Variants in CEP68 observed in about 807,000 individuals in gnomAD.
CEP68 encodes centrosomal protein 68, also known as centrosomal protein of 68 kDa.
In CEP68, 26 loss-of-function variants were observed where a neutral mutation model predicts 55.3. The ratio of observed to expected loss-of-function variants is 0.47; its 90% CI spans 0.34 to 0.65. CEP68 has a LOEUF of 0.65. CEP68 is among the 30% of genes least tolerant of loss of function. CEP68 has a pLI of 0.01. For missense variants in CEP68, 957 were observed against 946.7 expected (o/e 1.01, Z -0.14); for synonymous variants, 402 against 383.2 (o/e 1.05, Z -0.57).
Position 65,072,358 on chromosome 2 carries a change from C to T in CEP68, c.1262C>T (p.Ala421Val), listed in dbSNP as rs752463713. The T allele has an allele frequency of 7.4e-6, 12 of 1,613,672 alleles. No individual in the cohort carries two copies. Among genetic ancestry groups the T allele is most frequent in the African/African-American group, 6.7e-5 (5 of 74,898 alleles). Residue 421 changes from alanine to valine, a missense_variant, in exon 3 of 7, where the codon GCG becomes GTG. By Grantham distance (64) the Ala-to-Val change is moderately conservative. Transcript: ENST00000377990. ...CGCAGAGAGCCAGCCCTGAGGGGTGCGAAGGACCGGCTGACTATAGGCAAG... is the reference window on the plus strand; with the variant it reads ...CGCAGAGAGCCAGCCCTGAGGGGTGTGAAGGACCGGCTGACTATAGGCAAG... ...WERREPALRG[A>V]KDRLTIGKHL... is the part of the protein sequence containing the mutation.
In CEP68 at chr2:65,084,154, G is replaced by A. The variant is rs891514068; in HGVS notation, c.*520G>A. On this transcript the variant is annotated 3_prime_UTR_variant, in exon 7 of 7. Coordinates refer to ENST00000377990, the MANE Select transcript of CEP68 (RefSeq NM_015147.3). Reference sequence around the variant, plus strand: ...AGAAAGAAGAGATTTTTAACCCTTTGTCTGCAAAAGAAAAAGGGTTAAATG... The same window carrying A: ...AGAAAGAAGAGATTTTTAACCCTTTATCTGCAAAAGAAAAAGGGTTAAATG... The A allele has an allele frequency of 6.6e-6, 1 of 152,152 alleles. No homozygotes were observed. The highest frequency in any genetic ancestry group is 1.5e-5 in the Non-Finnish European group (1 of 68,022). 9.4% of individuals were successfully genotyped at this position (152,152 alleles called of 1,614,324 possible).
chr2:65,072,337 G>A lies in CEP68; in HGVS notation c.1241G>A (p.Arg414Lys). The A allele has an allele frequency of 6.2e-7, 1 of 1,613,974 alleles. No homozygotes were observed. The highest frequency in any genetic ancestry group is 8.5e-7 in the Non-Finnish European group (1 of 1,180,026). The change falls in exon 3 of 7, where the codon AGA becomes AAA. Residue 414 changes from arginine (R) to lysine (K), a missense_variant. Coordinates refer to ENST00000377990, the MANE Select transcript of CEP68 (RefSeq NM_015147.3). The part of the protein sequence containing the change: ...PGSRDARWER[R>K]EPALRGAKDR... ...AGTAGGGATGCTCGTTGGGAGCGCA[G>A]AGAGCCAGCCCTGAGGGGTGCGAAG...
intron 5 of CEP68, among the ~76,000 whole-genome samples, chr2:65,078,940 C>G (rs13424377): frequency 5.8e-4 from 88 of 152,282 alleles, no homozygotes; most frequent in African/African-American, 2.0e-3. Context: ...CAAGGATTTA[C>G]AGTTTTCATT....
chr2:65,073,044 A>G (rs758074896), intron 3 of CEP68, 64 bp downstream of exon 3: 3 of 1,547,502 alleles, frequency 1.9e-6, no homozygotes, highest in South Asian at 2.2e-5. Context: ...CCAATCCACT[A>G]ACATCATAAT....
Position 65,072,005 on chromosome 2 carries a change from T to G in CEP68, c.909T>G (p.Leu303=). 1 of 1,613,102 alleles carries G rather than the reference T, an allele frequency of 6.2e-7. No homozygotes were observed. Among genetic ancestry groups the G allele is most frequent in the Non-Finnish European group, 8.5e-7 (1 of 1,179,988 alleles). The part of the protein sequence containing the change: ...WNPNKEYEDL[L]DYTYPLRPGP... ...CAAATAAAGAGTATGAAGATCTGCTTGACTATACTTACCCACTGAGGCCCG... is the reference window on the plus strand; with the variant it reads ...CAAATAAAGAGTATGAAGATCTGCTGGACTATACTTACCCACTGAGGCCCG... Residue 303 remains leucine (L), a synonymous_variant, in exon 3 of 7, where the codon CTT becomes CTG. Transcript: ENST00000377990.
rs1213588036 is a variant in CEP68 at position 65,086,537 on chromosome 2, T to G, written c.*2903T>G. 6.6e-6 allele frequency: 1 copy of G among 152,224 alleles called. No homozygotes were observed. Among genetic ancestry groups the G allele is most frequent in the Non-Finnish European group, 1.5e-5 (1 of 68,032 alleles). 9.4% of individuals were successfully genotyped at this position (152,224 alleles called of 1,614,324 possible). A position where few individuals can be genotyped will look rare whatever the true frequency, so the allele number is the denominator to read the frequency against. ...AAAGAACGCTGGAATTTTCCAAACT[T>G]AAGTCTGTAAATATGCTCATCTTAA... On this transcript the variant is annotated 3_prime_UTR_variant, in exon 7 of 7. Transcript: ENST00000377990.
chr2:65,062,404 G>C (rs934842123), intron 1 of CEP68, among the ~76,000 whole-genome samples: 1 of 151,990 alleles, frequency 6.6e-6, no homozygotes, highest in Admixed American at 6.6e-5. Context: ...ATGGTGGCAC[G>C]CACCTGGAGT....
chr2:65,060,257 T>C (rs1415026792), intron 1 of CEP68, among the ~76,000 whole-genome samples: 1 of 152,196 alleles, frequency 6.6e-6, no homozygotes, highest in Non-Finnish European at 1.5e-5. Flanking sequence ...TTGCCAGTAC[T>C]TATAAAGTGA....
In CEP68 at chr2:65,056,447, C is replaced by T. The variant is rs77469505; in HGVS notation, c.-128C>T. 0.05 allele frequency: 7,681 copies of T among 152,586 alleles called. 276 individuals are homozygous for T. Among genetic ancestry groups the T allele is most frequent in the Non-Finnish European group, 0.074 (5,044 of 68,228 alleles). The allele number at this position is 152,586 out of a possible 1,614,324, so 9.5% of individuals were successfully genotyped here. A position where few individuals can be genotyped will look rare whatever the true frequency, so the allele number is the denominator to read the frequency against. On this transcript the variant is annotated 5_prime_UTR_variant, in exon 1 of 7. Transcript: ENST00000377990. ...GGCTGCGGTTGGAGGGCCGCAGTTG[C>T]AGTCAGGGTCCGCCAGCTCGGGGCC...
chr2:65,076,978 C>G (rs1676792927), intron 4 of CEP68, among the ~76,000 whole-genome samples: 1 of 76,702 alleles, frequency 1.3e-5, no homozygotes, highest in African/African-American at 4.4e-5. Flanking sequence ...TAAGGGTGGT[C>G]ATGGATTTGA....
rs1676359486 is a variant in CEP68 at position 65,069,598 on chromosome 2, A to G, written c.154A>G (p.Ile52Val). 6.2e-7 allele frequency: 1 copy of G among 1,614,002 alleles called. No individual in the cohort carries two copies. Among genetic ancestry groups the G allele is most frequent in the Non-Finnish European group, 8.5e-7 (1 of 1,179,956 alleles). ...PPRLEAEGGL[I>V]SPVWGAEGIP... ...ACGCCTGGAAGCTGAGGGAGGGCTCATCTCCCCTGTATGGGGGGCAGAAGG... is the reference window on the plus strand; with the variant it reads ...ACGCCTGGAAGCTGAGGGAGGGCTCGTCTCCCCTGTATGGGGGGCAGAAGG... Residue 52 changes from isoleucine (I) to valine (V), a missense_variant, in exon 2 of 7, where the codon ATC becomes GTC. Ile to Val is a conservative substitution (Grantham distance 29). Coordinates refer to ENST00000377990, the MANE Select transcript of CEP68 (RefSeq NM_015147.3).
In CEP68 at chr2:65,082,708, T is replaced by TG. The variant is rs752356164; in HGVS notation, c.*4+1dup. 1 of 1,552,042 alleles carries TG rather than the reference T, an allele frequency of 6.4e-7. No homozygotes were observed. The highest frequency in any genetic ancestry group is 8.6e-7 in the Non-Finnish European group (1 of 1,156,094). ...AGCACCCATGTGAAGGGGTTTAACC[T>TG]GGTAAGTGGAGGAACTCAAAAAGAA... On this transcript the variant is annotated splice_region_variant and 3_prime_UTR_variant, in exon 6 of 7. Coordinates refer to ENST00000377990, the MANE Select transcript of CEP68 (RefSeq NM_015147.3).
chr2:65,072,926 G>A lies in CEP68; in HGVS notation c.1830G>A (p.Gln610=). The change falls in exon 3 of 7, where the codon CAG becomes CAA. Residue 610 remains glutamine (Q), a synonymous_variant. Transcript: ENST00000377990. ...WPFSDPDVEG[Q]LPRKGGEQGK... ...TCTCAGACCCAGATGTTGAAGGGCA[G>A]CTTCCCAGGAAAGGAGGAGAACAGG... 6.2e-7 allele frequency: 1 copy of A among 1,614,084 alleles called. No individual in the cohort carries two copies. The highest frequency in any genetic ancestry group is 8.5e-7 in the Non-Finnish European group (1 of 1,180,046).
Position 65,069,689 on chromosome 2 carries a change from A to G in CEP68, c.245A>G (p.Gln82Arg), listed in dbSNP as rs755847557. ...PGGPSRAHQP[Q>R]ASDANREPVA... ...GGCCCCTCTAGAGCCCACCAGCCACAGGCCAGTGATGCCAACAGAGAGCCC... is the reference window on the plus strand; with the variant it reads ...GGCCCCTCTAGAGCCCACCAGCCACGGGCCAGTGATGCCAACAGAGAGCCC... Residue 82 changes from glutamine to arginine, a missense_variant, in exon 2 of 7, where the codon CAG becomes CGG. By Grantham distance (43) the Gln-to-Arg change is conservative. Transcript: ENST00000377990. The G allele has an allele frequency of 4.3e-6, 7 of 1,614,120 alleles. No homozygotes were observed. Among genetic ancestry groups the G allele is most frequent in the Non-Finnish European group, 5.9e-6 (7 of 1,180,042 alleles).
chr2:65,075,887 G>A (rs956586962), intron 4 of CEP68, among the ~76,000 whole-genome samples: 3 of 152,074 alleles, frequency 2.0e-5, no homozygotes, highest in African/African-American at 7.2e-5. Context: ...AGCTGACTGA[G>A]GGCCTTCCTG....
intron 1 of CEP68, among the ~76,000 whole-genome samples, chr2:65,058,404 A>G (rs894291297): frequency 6.7e-6 from 1 of 148,306 alleles, no homozygotes; most frequent in Admixed American, 6.8e-5. Flanking sequence ...ACGTCTCTCT[A>G]TATTGCCCAG....
At chr2:65,079,461 T>C (rs7604049) in intron 5 of CEP68, among the ~76,000 whole-genome samples, 5,258 of 152,308 alleles carry the variant, frequency 0.035, 130 homozygotes, top group African/African-American at 0.068. Flanking sequence ...CAGGGACCAC[T>C]GAATAGTTTT....
At position 65,079,262 on chromosome 2, in the gene CEP68, T is replaced by C. The variant is rs550090764; in HGVS notation, c.2104+1298T>C. Among the ~76,000 whole-genome samples the C allele has an allele frequency of 1.1e-4, 16 of 152,320 alleles. No individual in the cohort carries two copies. The East Asian group carries it at 3.1e-3, about 29-fold the overall frequency. On this transcript the variant is annotated intron_variant, in intron 5 of 6. Transcript: ENST00000377990. Reference sequence around the variant, plus strand: ...GGTGTACAGCAGGATTTCTCAGCCTTGGCGCTTTTGCCATATTGGCCGCAT... The same window carrying C: ...GGTGTACAGCAGGATTTCTCAGCCTCGGCGCTTTTGCCATATTGGCCGCAT...
intron 1 of CEP68, among the ~76,000 whole-genome samples, chr2:65,065,694 C>T (rs190963253): frequency 1.1e-3 from 170 of 152,162 alleles, no homozygotes; most frequent in African/African-American, 3.9e-3. Context: ...ATGAGCCAGG[C>T]GTGGTGGCTC....
Sources: allele counts gnomAD v4.1 joint callset (sites outside exome capture counted in the v4.1 genomes callset), GRCh38; gene constraint gnomAD v4.1.1; transcripts MANE v1.5; gene names NCBI Gene and HGNC (gene_info 2026-07-23, HGNC 2026-07-21).